The following NR1I2 variants were observed in gnomAD, a reference collection of about 807,000 sequenced individuals.
NR1I2 encodes the protein nuclear receptor subfamily 1 group I member 2.
NR1I2 carries 42 observed loss-of-function variants against 43.3 expected under a neutral mutation model. The ratio of observed to expected loss-of-function variants is 0.97; its 90% CI spans 0.76 to 1.26. The LOEUF (loss-of-function observed/expected upper bound fraction) is 1.26, where lower values mean the gene tolerates loss of function less well. NR1I2 is among the 50% of genes most tolerant of loss of function. The pLI, the probability that NR1I2 is intolerant of heterozygous loss-of-function variation, is 0.00. For missense variants in NR1I2, 559 were observed against 566.7 expected (o/e 0.99, Z 0.14); for synonymous variants, 229 against 215.0 (o/e 1.06, Z -0.57).
intron 7 of NR1I2, 95 bp from the exon 8 acceptor site, chr3:119,815,631 C>A (rs970920121): frequency 8.5e-7 from 1 of 1,183,216 alleles, no homozygotes; most frequent in Non-Finnish European, 1.2e-6. Flanking sequence ...GTGACTCCAG[C>A]TCTGGAGGGT....
intron 1 of NR1I2, among the ~76,000 whole-genome samples, chr3:119,799,512 C>G (rs1350739879): frequency 1.3e-5 from 2 of 152,088 alleles, no homozygotes; most frequent in Non-Finnish European, 2.9e-5. Context: ...GTAGAAAGCA[C>G]AAACATTTTC....
At chr3:119,804,168 G>A (rs965615603) in intron 1 of NR1I2, among the ~76,000 whole-genome samples, 17 of 150,968 alleles carry the variant, frequency 1.1e-4, no homozygotes, top group African/African-American at 4.1e-4. Flanking sequence ...TCAGGAGATC[G>A]AGACCATCCT....
Position 119,812,813 on chromosome 3 carries a change from G to A in NR1I2, c.647G>A (p.Arg216Gln), listed in dbSNP as rs377500972. ...TCTTTGAAGGTCTCTCTGCAGCTGCGGGGGGAGGATGGCAGTGTCTGGAAC... is the reference window on the plus strand; with the variant it reads ...TCTTTGAAGGTCTCTCTGCAGCTGCAGGGGGAGGATGGCAGTGTCTGGAAC... The change falls in exon 5 of 9, where the codon CGG (arginine) becomes CAG (glutamine). Residue 216 changes from arginine (R) to glutamine (Q), a missense_variant. Arg to Gln is a conservative substitution (Grantham distance 43). Transcript: ENST00000393716. 1.9e-5 allele frequency: 30 copies of A among 1,614,082 alleles called. No individual in the cohort carries two copies. Among genetic ancestry groups the A allele is most frequent in the African/African-American group, 6.7e-5 (5 of 74,928 alleles).
chr3:119,792,883 AAAAC>A (rs370370376), intron 1 of NR1I2, among the ~76,000 whole-genome samples: 6 of 152,056 alleles, frequency 3.9e-5, no homozygotes, highest in Middle Eastern at 3.4e-3. Flanking sequence ...TCAAAAACAA[AAAAC>A]AAACAAAAAA....
At chr3:119,788,147 T>C (rs2054871210) in intron 1 of NR1I2, among the ~76,000 whole-genome samples, 1 of 152,184 alleles carries the variant, frequency 6.6e-6, no homozygotes, top group African/African-American at 2.4e-5. Flanking sequence ...AGGGTCTTGC[T>C]GTGTCACCTA....
At position 119,810,048 on chromosome 3, in the gene NR1I2, C is replaced by T. The variant is rs2055216057; in HGVS notation, c.198-13C>T. 7 of 1,613,738 alleles carry T rather than the reference C, an allele frequency of 4.3e-6. No homozygotes were observed. Among genetic ancestry groups the T allele is most frequent in the South Asian group, 1.1e-5 (1 of 91,090 alleles). On this transcript the variant is annotated splice_polypyrimidine_tract_variant and intron_variant, in intron 2 of 8. Coordinates refer to ENST00000393716, the MANE Select transcript of NR1I2 (RefSeq NM_003889.4). The stretch of plus-strand genomic sequence containing the variant: ...CCCGTGCATCCCCCCTTCTGCTCCC[C>T]ATTCTCTCACAGGAGGGCCATGAAA...
chr3:119,792,550 G>C, intron 1 of NR1I2: 4 of 968,570 alleles, frequency 4.1e-6, no homozygotes, highest in Non-Finnish European at 6.4e-6. Flanking sequence ...AGCTGCCCCA[G>C]TGAGGGCCCA....
intron 1 of NR1I2, among the ~76,000 whole-genome samples, chr3:119,797,338 A>C (rs1031503151): frequency 6.6e-6 from 1 of 152,128 alleles, no homozygotes; most frequent in East Asian, 1.9e-4. Flanking sequence ...AGCAGCAGGA[A>C]CAATCTGTTT....
At chr3:119,801,821 T>C (rs1477392641) in intron 1 of NR1I2, among the ~76,000 whole-genome samples, 1 of 152,174 alleles carries the variant, frequency 6.6e-6, no homozygotes, top group Non-Finnish European at 1.5e-5. Flanking sequence ...CTCACACATC[T>C]GCTGTTTGGT....
At chr3:119,798,564 CG>C (rs1490596204) in intron 1 of NR1I2, among the ~76,000 whole-genome samples, 2 of 145,586 alleles carry the variant, frequency 1.4e-5, no homozygotes, top group East Asian at 2.0e-4. Flanking sequence ...GGCGTGAACC[CG>C]GGGGGCGGAG....
rs1220131559 is a variant in NR1I2, at chr3:119,792,272, C to T, written c.-23+9972C>T. ...GAGAACTGGTCTCCAGGCAGGTGAG[C>T]GACGACCTTATGGAGCGAGCAGCCA... On this transcript the variant is annotated intron_variant, in intron 1 of 8. Transcript: ENST00000393716. The T allele has an allele frequency of 7.4e-5, 113 of 1,537,210 alleles. 3 individuals carry two copies. The South Asian group carries it at 1.1e-3, about 16-fold the overall frequency.
chr3:119,815,901 AGACTTC>A (rs1330260901), intron 8 of NR1I2, 70 bp downstream of exon 8: 2 of 1,313,972 alleles, frequency 1.5e-6, no homozygotes, highest in Non-Finnish European at 2.2e-6. Flanking sequence ...AAATTGCCCA[AGACTTC>A]ATGGCCAGAG....
chr3:119,794,810 T>A (rs1440908882), intron 1 of NR1I2, among the ~76,000 whole-genome samples: 3 of 152,300 alleles, frequency 2.0e-5, no homozygotes, highest in East Asian at 3.9e-4. Context: ...TAGTGGCCCA[T>A]GCCTTGCGGT....
At chr3:119,791,993 A>T in intron 1 of NR1I2, 1 of 698,706 alleles carries the variant, frequency 1.4e-6, no homozygotes, top group Non-Finnish European at 2.7e-6. Context: ...ACTTTCTCAT[A>T]CCATGGGTAC....
intron 3 of NR1I2, chr3:119,810,570 T>TGGGTG: frequency 3.6e-6 from 1 of 277,068 alleles, no homozygotes; most frequent in South Asian, 4.9e-5. Flanking sequence ...AGGAGCCACA[T>TGGGTG]GGGTGATAGG....
chr3:119,809,118 T>A (rs919910998), intron 2 of NR1I2, among the ~76,000 whole-genome samples: 2 of 152,168 alleles, frequency 1.3e-5, no homozygotes, highest in African/African-American at 4.8e-5. Context: ...TGTTCCATGC[T>A]CCTGGGCCAG....
intron 1 of NR1I2, among the ~76,000 whole-genome samples, chr3:119,787,635 T>C (rs1043666511): frequency 1.0e-4 from 15 of 149,238 alleles, no homozygotes; most frequent in Non-Finnish European, 2.1e-4. Flanking sequence ...CTCTTTATCC[T>C]CTGGCCAGTT....
At position 119,807,221 on chromosome 3, in the gene NR1I2, A is replaced by T. The variant is rs1324938179; in HGVS notation, c.-22-8A>T. The T allele has an allele frequency of 1.9e-6, 3 of 1,612,800 alleles. No individual in the cohort carries two copies. Among genetic ancestry groups the T allele is most frequent in the Non-Finnish European group, 2.5e-6 (3 of 1,178,972 alleles). On this transcript the variant is annotated splice_polypyrimidine_tract_variant and splice_region_variant and intron_variant, in intron 1 of 8. Coordinates refer to ENST00000393716, the MANE Select transcript of NR1I2 (RefSeq NM_003889.4). ...TCTTTTCATTCTCTGTGGTTTTCTCATTTCTAGTCCAAGAGGCCCAGAAGC... is the reference window on the plus strand; with the variant it reads ...TCTTTTCATTCTCTGTGGTTTTCTCTTTTCTAGTCCAAGAGGCCCAGAAGC...
At chr3:119,796,223 C>T (rs1280831677) in intron 1 of NR1I2, among the ~76,000 whole-genome samples, 2 of 152,194 alleles carry the variant, frequency 1.3e-5, no homozygotes, top group African/African-American at 2.4e-5. Flanking sequence ...CCAAGTGTAC[C>T]GCACTTCACG....
Sources: allele counts gnomAD v4.1 joint callset (sites outside exome capture counted in the v4.1 genomes callset), GRCh38; gene constraint gnomAD v4.1.1; transcripts MANE v1.5; gene names NCBI Gene and HGNC (gene_info 2026-07-23, HGNC 2026-07-21).